OR51B5: variants seen among roughly 807,000 people sequenced by gnomAD.
OR51B5 encodes olfactory receptor 51B5.
For missense variants in OR51B5, 456 were observed against 374.6 expected, an observed-to-expected ratio of 1.22 and a Z score of -1.79; for synonymous variants, 186 against 144.8, an observed-to-expected ratio of 1.28 and a Z score of -2.04.
intron 1 of OR51B5, chr11:5,455,730 G>T (rs1850947847): frequency 6.6e-6 from 1 of 152,052 alleles, no homozygotes; most frequent in Non-Finnish European, 1.5e-5. Context: ...TTTTCTCTTT[G>T]TATTGAGGAA....
intron 1 of OR51B5, among the ~76,000 whole-genome samples, chr11:5,435,836 TTTC>T (rs1850585084): frequency 6.6e-6 from 1 of 152,182 alleles, no homozygotes; most frequent in African/African-American, 2.4e-5. Flanking sequence ...AAACAATAAC[TTTC>T]TTATCTGTAA....
intron 1 of OR51B5, among the ~76,000 whole-genome samples, chr11:5,359,763 C>A (rs1170158335): frequency 6.6e-6 from 1 of 151,312 alleles, no homozygotes; most frequent in Non-Finnish European, 1.5e-5. Flanking sequence ...GCTACAGTAA[C>A]CAAAACAGCA....
chr11:5,353,152 T>G (rs937891847), intron 1 of OR51B5, among the ~76,000 whole-genome samples: 3 of 152,114 alleles, frequency 2.0e-5, no homozygotes, highest in Non-Finnish European at 4.4e-5. Context: ...CCTCAATTAC[T>G]TTCTTCAATG....
chr11:5,419,175 C>T (rs961179802), intron 1 of OR51B5, among the ~76,000 whole-genome samples: 5 of 152,122 alleles, frequency 3.3e-5, no homozygotes, highest in Admixed American at 1.3e-4. Flanking sequence ...CTTTTGGGGG[C>T]ACACTTGTGT....
chr11:5,351,793 T>C, intron 1 of OR51B5: 2 of 1,614,048 alleles, frequency 1.2e-6, no homozygotes, highest in Non-Finnish European at 1.7e-6. Flanking sequence ...TGGAGCCTGC[T>C]TCTCTCAGGC....
intron 1 of OR51B5, among the ~76,000 whole-genome samples, chr11:5,436,966 GC>G: frequency 6.6e-6 from 1 of 152,256 alleles, no homozygotes; most frequent in African/African-American, 2.4e-5. Flanking sequence ...CTGCCTTTAT[GC>G]CTCTGCGGAA....
At chr11:5,453,446 T>G in intron 1 of OR51B5, 1 of 1,413,478 alleles carries the variant, frequency 7.1e-7, no homozygotes, top group Non-Finnish European at 9.5e-7. Flanking sequence ...ATTCTCCAAG[T>G]CAGAAGATCT....
intron 1 of OR51B5, chr11:5,454,352 C>A: frequency 2.5e-6 from 4 of 1,614,044 alleles, no homozygotes; most frequent in Non-Finnish European, 3.4e-6. Context: ...CTGTGCTCAA[C>A]CCTCTCATTT....
chr11:5,359,841 A>G (rs1484195505), intron 1 of OR51B5, among the ~76,000 whole-genome samples: 1 of 152,136 alleles, frequency 6.6e-6, no homozygotes, highest in Non-Finnish European at 1.5e-5. Context: ...ATAATGCCGC[A>G]TGTCTACAAC....
intron 1 of OR51B5, among the ~76,000 whole-genome samples, chr11:5,476,284 C>A (rs1476576276): frequency 6.6e-6 from 1 of 152,166 alleles, no homozygotes; most frequent in Non-Finnish European, 1.5e-5. Flanking sequence ...GAAACAGATT[C>A]ATATTTTGCA....
intron 1 of OR51B5, chr11:5,454,159 C>T (rs1248037493): frequency 6.2e-7 from 1 of 1,614,132 alleles, no homozygotes; most frequent in Middle Eastern, 1.6e-4. Context: ...ATTCTGCGTT[C>T]TGTCATGGCC....
intron 1 of OR51B5, among the ~76,000 whole-genome samples, chr11:5,477,576 A>C (rs969236118): frequency 6.6e-6 from 1 of 152,148 alleles, no homozygotes; most frequent in African/African-American, 2.4e-5. Context: ...AAGACGGGTG[A>C]TTTCTGCATT....
At chr11:5,460,677 C>A (rs540462727) in intron 1 of OR51B5, among the ~76,000 whole-genome samples, 2 of 152,296 alleles carry the variant, frequency 1.3e-5, no homozygotes, top group East Asian at 3.9e-4. Flanking sequence ...TACCAGAATT[C>A]TTTCCCTGGT....
In OR51B5 at chr11:5,453,754, C is replaced by T. The variant is rs750975545; in HGVS notation, n.84+51815G>A. The T allele has an allele frequency of 1.1e-5, 18 of 1,614,160 alleles. No homozygotes were observed. In the South Asian group the frequency reaches 1.8e-4, roughly 16 times the overall value. On this transcript the variant is annotated intron_variant and non_coding_transcript_variant, in intron 1 of 4. Coordinates refer to the OR51B5 transcript ENST00000415970. ...GTACTCCGAACCTTCTGCCTCAATG[C>T]CCGCAACATCACTTTTGATGCCTGT...
chr11:5,420,244 A>AT (rs1850310613), intron 1 of OR51B5, among the ~76,000 whole-genome samples: 1 of 152,050 alleles, frequency 6.6e-6, no homozygotes, highest in Admixed American at 6.5e-5. Context: ...TAACATACAA[A>AT]TTACACTTAA....
intron 1 of OR51B5, among the ~76,000 whole-genome samples, chr11:5,356,121 A>G (rs1309531057): frequency 6.6e-6 from 1 of 152,212 alleles, no homozygotes; most frequent in Non-Finnish European, 1.5e-5. Flanking sequence ...ACAAAGCTGG[A>G]CAGAGAATGA....
intron 1 of OR51B5, among the ~76,000 whole-genome samples, chr11:5,363,358 TG>T (rs67349885): frequency 0.17 from 15,138 of 91,132 alleles, 1,280 homozygotes; most frequent in Non-Finnish European, 0.22. Context: ...TTTTGGTTTT[TG>T]TTTTTTTTTA....
intron 1 of OR51B5, among the ~76,000 whole-genome samples, chr11:5,449,664 T>C (rs558685671): frequency 1.3e-5 from 2 of 152,298 alleles, no homozygotes; most frequent in East Asian, 3.9e-4. Context: ...CTGTGGCTCA[T>C]TAACATTGCT....
rs899228816 is a variant in OR51B5 at position 5,463,135 on chromosome 11, C to G, written n.84+42434G>C. ...TTCCATTATGCATGGAAGACTTCTC[C>G]GCCAAAAATATGTATGAAATAGAAT... On this transcript the variant is annotated intron_variant and non_coding_transcript_variant, in intron 1 of 4. Transcript: ENST00000415970. 4.6e-5 allele frequency among the ~76,000 whole-genome samples: 7 copies of G among 152,170 alleles called. No individual in the cohort carries two copies. In the East Asian group the frequency reaches 1.2e-3, roughly 25 times the overall value.
Sources: gnomAD v4.1 joint callset for allele counts (sites outside exome capture counted in the v4.1 genomes callset) on GRCh38, gnomAD v4.1.1 for gene constraint, MANE v1.5 for transcripts, NCBI Gene and HGNC (gene_info 2026-07-23, HGNC 2026-07-21) for gene names.